NR3C1: variants seen among roughly 807,000 people sequenced by gnomAD.
NR3C1 encodes glucocorticoid receptor.
A neutral mutation model predicts 74.0 loss-of-function variants in NR3C1; 14 were observed. That is an observed-to-expected ratio of 0.19 (90% CI 0.12 to 0.30). The LOEUF (loss-of-function observed/expected upper bound fraction) is 0.30. Among genes scored for constraint, NR3C1 ranks in the 10% least tolerant of loss-of-function variants. The probability of loss-of-function intolerance (pLI) is 1.00; values close to 1 mark genes in which losing one functional copy is unlikely to be tolerated. For synonymous variants in NR3C1, 308 were observed against 332.5 expected (o/e 0.93, Z 0.80); for missense variants, 695 against 909.8 (o/e 0.76, Z 3.04).
chr5:143,399,436 G>A (rs1839833657), intron 2 of NR3C1, among the ~76,000 whole-genome samples: 1 of 152,078 alleles, frequency 6.6e-6, no homozygotes, highest in Non-Finnish European at 1.5e-5. Flanking sequence ...GTTGGCCAAT[G>A]GGATACTGAA....
rs1840771409 is a variant in NR3C1 at position 143,403,587 on chromosome 5, T to TGGA, written c.-393_-391dup. 3.0e-6 allele frequency: 3 copies of TGGA among 985,640 alleles called. No individual in the cohort carries two copies. In the South Asian group the frequency reaches 1.4e-4, roughly 46 times the overall value. 61.1% of individuals were successfully genotyped at this position (985,640 alleles called of 1,614,324 possible). A position where few individuals can be genotyped will look rare whatever the true frequency, so the allele number is the denominator to read the frequency against. On this transcript the variant is annotated 5_prime_UTR_variant, in exon 1 of 9. Transcript: ENST00000394464. Reference sequence around the variant, plus strand: ...CCGTCACAGACACGAGCTCGCAAAATGGAGGAGGCGGCGGCGGAGGGAAGA... The same window carrying TGGA: ...CCGTCACAGACACGAGCTCGCAAAATGGAGGAGGAGGCGGCGGCGGAGGGAAGA...
intron 2 of NR3C1, among the ~76,000 whole-genome samples, chr5:143,333,481 T>C (rs1180891484): frequency 2.0e-5 from 3 of 151,892 alleles, no homozygotes; most frequent in Non-Finnish European, 4.4e-5. Context: ...CTAAAAACTG[T>C]ATTGCTGGCC....
chr5:143,355,653 C>T (rs1471618626), intron 2 of NR3C1, among the ~76,000 whole-genome samples: 1 of 152,062 alleles, frequency 6.6e-6, no homozygotes, highest in Non-Finnish European at 1.5e-5. Flanking sequence ...ACATAAGGAG[C>T]AAGCCAATTT....
At chr5:143,429,381 A>G (rs1257926885) in intron 1 of NR3C1, among the ~76,000 whole-genome samples, 1 of 152,252 alleles carries the variant, frequency 6.6e-6, no homozygotes, top group African/African-American at 2.4e-5. Flanking sequence ...CTTGTGTAGT[A>G]GTTTACAGTT....
intron 3 of NR3C1, among the ~76,000 whole-genome samples, chr5:143,313,681 T>C: frequency 6.6e-6 from 1 of 152,198 alleles, no homozygotes; most frequent in Non-Finnish European, 1.5e-5. Context: ...AAAGCCCATG[T>C]TTCTAATACA....
chr5:143,357,050 T>C (rs1277130824), intron 2 of NR3C1, among the ~76,000 whole-genome samples: 26 of 152,220 alleles, frequency 1.7e-4, no homozygotes, highest in Non-Finnish European at 4.4e-5. Context: ...AATTTCGAAA[T>C]AATGCTGAGG....
chr5:143,297,935 T>C (rs1817664560), intron 6 of NR3C1, among the ~76,000 whole-genome samples: 1 of 151,992 alleles, frequency 6.6e-6, no homozygotes, highest in African/African-American at 2.4e-5. Flanking sequence ...GGAGGGTCAG[T>C]GGGAAGATAC....
At chr5:143,311,110 G>A (rs1427062716) in intron 3 of NR3C1, among the ~76,000 whole-genome samples, 2 of 152,222 alleles carry the variant, frequency 1.3e-5, no homozygotes, top group Non-Finnish European at 2.9e-5. Flanking sequence ...TGTACCAGCT[G>A]TTTCAATTTC....
In NR3C1 at chr5:143,381,953, G is replaced by C. The variant is rs570941058; in HGVS notation, c.1184+17703C>G. Among the ~76,000 whole-genome samples the C allele has an allele frequency of 2.0e-5, 3 of 152,178 alleles. No homozygotes were observed. The East Asian group carries it at 5.8e-4, about 29-fold the overall frequency. ...GATCACATCAAGCTAAAAAACTTCT[G>C]CACAGCAACGGAAACAACAAAGAAG... is the stretch of plus-strand genomic sequence containing the variant. On this transcript the variant is annotated intron_variant, in intron 2 of 8. Transcript: ENST00000394464.
chr5:143,298,124 G>C (rs1308824805), intron 6 of NR3C1, among the ~76,000 whole-genome samples: 2 of 152,194 alleles, frequency 1.3e-5, no homozygotes, highest in Non-Finnish European at 2.9e-5. Context: ...AATAAGCTTA[G>C]AGGATAAGAG....
chr5:143,418,139 C>T (rs1751009908), intron 1 of NR3C1, among the ~76,000 whole-genome samples: 1 of 152,210 alleles, frequency 6.6e-6, no homozygotes, highest in African/African-American at 2.4e-5. Flanking sequence ...GTTGGGTTCT[C>T]CACACACTAA....
At chr5:143,365,911 G>A (rs1001557364) in intron 2 of NR3C1, among the ~76,000 whole-genome samples, 5 of 152,184 alleles carry the variant, frequency 3.3e-5, no homozygotes, top group African/African-American at 1.2e-4. Flanking sequence ...ACGGGTTAGA[G>A]GGGGAAGAAA....
intron 7 of NR3C1, among the ~76,000 whole-genome samples, chr5:143,287,965 A>G (rs1392962282): frequency 6.6e-6 from 1 of 152,202 alleles, no homozygotes; most frequent in African/African-American, 2.4e-5. Flanking sequence ...TATGGCCTAC[A>G]AAGACAAATA....
At chr5:143,420,829 T>C (rs1751192899) in intron 1 of NR3C1, among the ~76,000 whole-genome samples, 1 of 152,182 alleles carries the variant, frequency 6.6e-6, no homozygotes, top group African/African-American at 2.4e-5. Context: ...AAACCATGTT[T>C]CTTAAGATCC....
upstream of NR3C1, chr5:143,406,906 TAAC>T (rs1193451325): frequency 6.6e-6 from 1 of 152,218 alleles, no homozygotes; most frequent in Admixed American, 6.5e-5. Flanking sequence ...ATTATAATAA[TAAC>T]ACAATTCTAA....
intron 2 of NR3C1, among the ~76,000 whole-genome samples, chr5:143,340,476 A>ATTTTT (rs3074500): frequency 4.3e-4 from 38 of 89,148 alleles, no homozygotes; most frequent in South Asian, 8.2e-4. Flanking sequence ...TTTAAAGATG[A>ATTTTT]TTTTTTTTTT....
intron 2 of NR3C1, among the ~76,000 whole-genome samples, chr5:143,373,369 C>T (rs969530736): frequency 2.0e-5 from 3 of 148,354 alleles, no homozygotes; most frequent in African/African-American, 5.0e-5. Context: ...AAAGGCTTAA[C>T]AAAGATCTCT....
chr5:143,329,576 T>A (rs1212927686), intron 2 of NR3C1, among the ~76,000 whole-genome samples: 2 of 152,192 alleles, frequency 1.3e-5, no homozygotes, highest in African/African-American at 2.4e-5. Context: ...TTTTTGCACA[T>A]GCCAATAGTA....
At chr5:143,404,390 G>A (rs527888181), upstream of NR3C1, 2 of 985,518 alleles carry the variant, frequency 2.0e-6, no homozygotes, top group Non-Finnish European at 2.4e-6. Context: ...GGCCCGGGGG[G>A]AGTCGCGTGC....
Sources: gnomAD v4.1 joint callset for allele counts (sites outside exome capture counted in the v4.1 genomes callset) on GRCh38, gnomAD v4.1.1 for gene constraint, MANE v1.5 for transcripts, NCBI Gene and HGNC (gene_info 2026-07-23, HGNC 2026-07-21) for gene names.